The following USP20 variants were observed in gnomAD, a reference collection of about 807,000 sequenced individuals.
The protein encoded by USP20 is ubiquitin specific peptidase 20.
In USP20, 80 loss-of-function variants were observed where a neutral mutation model predicts 124.2. That is an observed-to-expected ratio of 0.64 (90% CI 0.54 to 0.78). USP20 has a LOEUF of 0.78. USP20 is among the 30% of genes least tolerant of loss of function. The probability of loss-of-function intolerance (pLI) is 0.00; values close to 1 mark genes in which losing one functional copy is unlikely to be tolerated. For synonymous variants in USP20, 481 were observed against 512.3 expected (o/e 0.94, Z 0.83); for missense variants, 1,043 against 1,244.4 (o/e 0.84, Z 2.44).
chr9:129,845,053 G>A (rs1428100471), intron 1 of USP20, among the ~76,000 whole-genome samples: 2 of 152,042 alleles, frequency 1.3e-5, no homozygotes, highest in Admixed American at 1.3e-4. Context: ...CTCATAACCT[G>A]GTCTCTAAAT....
intron 4 of USP20, among the ~76,000 whole-genome samples, chr9:129,857,112 G>T (rs1440351217): frequency 6.6e-6 from 1 of 151,950 alleles, no homozygotes; most frequent in Non-Finnish European, 1.5e-5. Flanking sequence ...AGTGAAGACA[G>T]CCAGTCAGTC....
intron 4 of USP20, among the ~76,000 whole-genome samples, chr9:129,857,373 A>C (rs762479371): frequency 6.6e-6 from 1 of 152,148 alleles, no homozygotes; most frequent in Non-Finnish European, 1.5e-5. Context: ...ATATGATTCC[A>C]TTGTTTTCCC....
At chr9:129,845,192 C>T (rs1466515989) in intron 1 of USP20, among the ~76,000 whole-genome samples, 1 of 152,120 alleles carries the variant, frequency 6.6e-6, no homozygotes, top group African/African-American at 2.4e-5. Context: ...CACTCAGATG[C>T]TCCCACCCCT....
At position 129,876,176 on chromosome 9, in the gene USP20, T is replaced by G. The variant is rs1364535088; in HGVS notation, c.2347T>G (p.Cys783Gly). 1.2e-6 allele frequency: 2 copies of G among 1,613,414 alleles called. No homozygotes were observed. Among genetic ancestry groups the G allele is most frequent in the Non-Finnish European group, 1.7e-6 (2 of 1,179,986 alleles). The part of the protein sequence containing the change: ...AVNHLYVCSI[C>G]QVEIEALAKR... ...GAACCACCTGTACGTGTGCTCCATC[T>G]GCCAGGTGGAGATCGAGGCACTGGC... The change falls in exon 22 of 26, where the codon TGC becomes GGC. Residue 783 changes from cysteine to glycine, a missense_variant. Physicochemically the swap from Cys to Gly is radical, Grantham distance 159. Transcript: ENST00000372429.
In USP20 at chr9:129,874,728, G is replaced by A. The variant is rs769396679; in HGVS notation, c.1893G>A (p.Ser631=). The change falls in exon 18 of 26, where the codon TCG becomes TCA. Residue 631 remains serine, a synonymous_variant. Transcript: ENST00000372429. ...TSQITTYDLL[S]VICHHGTAGS... is the part of the protein sequence containing the mutation. ...AGATCACCACCTACGACCTCCTCTCGGTCATCTGCCACCACGGCACGGCAG... is the reference window on the plus strand; with the variant it reads ...AGATCACCACCTACGACCTCCTCTCAGTCATCTGCCACCACGGCACGGCAG... 3.7e-5 allele frequency: 60 copies of A among 1,613,690 alleles called. No individual in the cohort carries two copies. In the South Asian group the frequency reaches 4.3e-4, roughly 12 times the overall value.
Position 129,875,630 on chromosome 9 carries a change from C to G in USP20, c.2289C>G (p.His763Gln). Residue 763 changes from histidine (H) to glutamine (Q), a missense_variant, in exon 21 of 26, where the codon CAC (histidine) becomes CAG (glutamine). Physicochemically the swap from His to Gln is conservative, Grantham distance 24. Transcript: ENST00000372429. ...VVILPQNVWE[H>Q]LYNRFGGGPA... ...TCCTGCCCCAGAACGTCTGGGAGCA[C>G]CTGTACAACAGGTGAGAGCCTGGGA... is the stretch of plus-strand genomic sequence containing the variant. 1 of 1,613,986 alleles carries G rather than the reference C, an allele frequency of 6.2e-7. No homozygotes were observed. Among genetic ancestry groups the G allele is most frequent in the Non-Finnish European group, 8.5e-7 (1 of 1,179,994 alleles).
At chr9:129,868,490 T>C in intron 11 of USP20, 41 bp downstream of exon 11, 2 of 1,586,710 alleles carry the variant, frequency 1.3e-6, no homozygotes, top group Non-Finnish European at 1.7e-6. Context: ...CCTCAGCCTA[T>C]GGCCCAGTAC....
chr9:129,880,964 G>A lies in USP20; in HGVS notation c.*514G>A, dbSNP rs1490005571. ...TGCATCTCCTGGGCGTCACCAGGAA[G>A]GCTCTGAAGTCCCGGGCTGCTCTCA... On this transcript the variant is annotated 3_prime_UTR_variant, in exon 26 of 26. Transcript: ENST00000372429. The A allele has an allele frequency of 6.6e-6, 1 of 152,512 alleles. No individual in the cohort carries two copies. The highest frequency in any genetic ancestry group is 1.5e-5 in the Non-Finnish European group (1 of 68,300). 9.4% of individuals were successfully genotyped at this position (152,512 alleles called of 1,614,324 possible).
intron 6 of USP20, among the ~76,000 whole-genome samples, chr9:129,859,761 G>A (rs7875076): frequency 0.86 from 131,323 of 151,990 alleles, 57,088 homozygotes; most frequent in East Asian, 0.98. Context: ...CAGGCTGGGC[G>A]CCATGGCTAA....
chr9:129,839,441 T>C lies in USP20; in HGVS notation c.-129+3942T>C, dbSNP rs772775670. Among the ~76,000 whole-genome samples the C allele has an allele frequency of 9.9e-5, 15 of 152,088 alleles. No homozygotes were observed. Among genetic ancestry groups the C allele is most frequent in the Non-Finnish European group, 2.2e-4 (15 of 68,014 alleles). On this transcript the variant is annotated intron_variant, in intron 1 of 25. Coordinates refer to ENST00000372429, the MANE Select transcript of USP20 (RefSeq NM_001110303.4). This position sits in a 1 kb window ranked among gnomAD's most constrained non-coding sequence, Gnocchi z 4.5. ...TGGAGGCATGGGGAGGCCTGAGGGCTCTGCTTCGAGAGTCAGAGGATGGTG... is the reference window on the plus strand; with the variant it reads ...TGGAGGCATGGGGAGGCCTGAGGGCCCTGCTTCGAGAGTCAGAGGATGGTG...
At position 129,873,080 on chromosome 9, in the gene USP20, C is replaced by CTTTTTTTTTTTT. The variant is rs59712662; in HGVS notation, c.1661-394_1661-383dup. On this transcript the variant is annotated intron_variant, in intron 15 of 25. Coordinates refer to ENST00000372429, the MANE Select transcript of USP20 (RefSeq NM_001110303.4). ...TTTATTTCTTTTTCTTTTTCTTCTT[C>CTTTTTTTTTTTT]TTTTTTTTTTTTTTTTTTTGAGATG... Among the ~76,000 whole-genome samples the CTTTTTTTTTTTT allele has an allele frequency of 1.3e-3, 99 of 78,318 alleles. 1 individual carries two copies. The highest frequency in any genetic ancestry group is 0.014 in the Middle Eastern group (1 of 72). 51.4% of individuals were successfully genotyped at this position (78,318 alleles called of 152,430 possible). A position where few individuals can be genotyped will look rare whatever the true frequency, so the allele number is the denominator to read the frequency against.
chr9:129,881,146 G>A lies in USP20; in HGVS notation c.*696G>A, dbSNP rs746604635. ...CCCTGGATTGGCTGTAATTTGCCTCGAAGTTCAGCAGTTCATCTTCATGGG... is the reference window on the plus strand; with the variant it reads ...CCCTGGATTGGCTGTAATTTGCCTCAAAGTTCAGCAGTTCATCTTCATGGG... On this transcript the variant is annotated 3_prime_UTR_variant, in exon 26 of 26. Transcript: ENST00000372429. 6.6e-6 allele frequency: 1 copy of A among 152,208 alleles called. No individual in the cohort carries two copies. Among genetic ancestry groups the A allele is most frequent in the African/African-American group, 2.4e-5 (1 of 41,432 alleles). The allele number at this position is 152,208 out of a possible 1,614,324, so 9.4% of individuals were successfully genotyped here.
intron 1 of USP20, among the ~76,000 whole-genome samples, chr9:129,841,963 C>T (rs1276813294): frequency 1.3e-5 from 2 of 152,126 alleles, no homozygotes; most frequent in East Asian, 3.9e-4. Flanking sequence ...TCTATTCCTA[C>T]CAATTTCAGT....
chr9:129,837,386 G>A (rs2031923660), intron 1 of USP20, among the ~76,000 whole-genome samples: 1 of 152,196 alleles, frequency 6.6e-6, no homozygotes, highest in African/African-American at 2.4e-5. Context: ...TCTGGAGCCA[G>A]ATGAAATGTT....
chr9:129,844,542 C>T (rs915459129), intron 1 of USP20, among the ~76,000 whole-genome samples: 12 of 144,540 alleles, frequency 8.3e-5, no homozygotes, highest in African/African-American at 3.1e-4. Context: ...GGTAGGATGG[C>T]TTGAACCTGA....
intron 1 of USP20, among the ~76,000 whole-genome samples, chr9:129,841,218 G>A (rs1487320901): frequency 3.3e-5 from 5 of 152,184 alleles, no homozygotes; most frequent in Admixed American, 3.3e-4. Context: ...CGACAGGTTT[G>A]GTTCTTCTGA....
intron 2 of USP20, among the ~76,000 whole-genome samples, chr9:129,850,458 C>T (rs75944757): frequency 0.012 from 1,813 of 152,154 alleles, 17 homozygotes; most frequent in Middle Eastern, 0.024. Context: ...TTTTCATAAA[C>T]GAATGCACAA....
At chr9:129,878,737 C>T (rs184548608) in intron 23 of USP20, among the ~76,000 whole-genome samples, 308 of 152,316 alleles carry the variant, frequency 2.0e-3, no homozygotes, top group Non-Finnish European at 3.5e-3. Flanking sequence ...GGGAGTGTGT[C>T]GCCCGAAATG....
chr9:129,876,051 G>C, intron 21 of USP20, 79 bp from the exon 22 acceptor site: 1 of 1,283,048 alleles, frequency 7.8e-7, no homozygotes, highest in Non-Finnish European at 1.1e-6. Flanking sequence ...GGCTTGAGGG[G>C]GAAGTGGAAG....
Sources: allele counts gnomAD v4.1 joint callset (sites outside exome capture counted in the v4.1 genomes callset), GRCh38; gene constraint gnomAD v4.1.1; non-coding constraint Gnocchi (gnomAD v3.1); transcripts MANE v1.5; gene names NCBI Gene and HGNC (gene_info 2026-07-23, HGNC 2026-07-21).